The following SLC39A12 variants were observed in gnomAD, a reference collection of about 807,000 sequenced individuals.
SLC39A12 encodes the protein zinc transporter ZIP12.
In SLC39A12, 63 loss-of-function variants were observed where a neutral mutation model predicts 71.1. That is an observed-to-expected ratio of 0.89 (90% confidence interval 0.72 to 1.09). The LOEUF is 1.09. SLC39A12 is among the 50% of genes least tolerant of loss of function. The probability of loss-of-function intolerance (pLI) is 0.00; values close to 1 mark genes in which losing one functional copy is unlikely to be tolerated. For missense variants in SLC39A12, 892 were observed against 812.6 expected (o/e 1.10, Z -1.19); for synonymous variants, 351 against 301.3 (o/e 1.16, Z -1.71).
chr10:17,981,928 G>A (rs1444034714), intron 6 of SLC39A12, among the ~76,000 whole-genome samples: 1 of 152,204 alleles, frequency 6.6e-6, no homozygotes, highest in Non-Finnish European at 1.5e-5. Flanking sequence ...ATTGGAATGT[G>A]GAATGCAGAG....
chr10:17,974,564 T>C (rs552956796), intron 4 of SLC39A12, among the ~76,000 whole-genome samples: 1 of 152,308 alleles, frequency 6.6e-6, no homozygotes, highest in East Asian at 1.9e-4. Context: ...TCCTGGAGAA[T>C]TCTTTGGATT....
At chr10:18,012,674 C>T (rs1836260212) in intron 12 of SLC39A12, among the ~76,000 whole-genome samples, 1 of 152,142 alleles carries the variant, frequency 6.6e-6, no homozygotes, top group African/African-American at 2.4e-5. Context: ...CAAGACCGTC[C>T]TGGCCAACAC....
chr10:18,036,170 T>C (rs566028631), intron 12 of SLC39A12, among the ~76,000 whole-genome samples: 2,378 of 152,314 alleles, frequency 0.016, 28 homozygotes, highest in Middle Eastern at 0.031. Context: ...CTGTGGTGGG[T>C]TCCACCCAGT....
intron 12 of SLC39A12, among the ~76,000 whole-genome samples, chr10:18,026,599 ATTG>A (rs1429654219): frequency 4.6e-5 from 7 of 152,172 alleles, no homozygotes; most frequent in African/African-American, 1.7e-4. Context: ...AATTCTCAGT[ATTG>A]TTTCAAATAT....
chr10:17,991,113 C>G (rs762983845), intron 7 of SLC39A12, 38 bp from the exon 8 acceptor site: 1 of 1,495,800 alleles, frequency 6.7e-7, no homozygotes, highest in African/African-American at 1.5e-5. Flanking sequence ...TTATCTCCAT[C>G]TTTCTCTCTG....
intron 12 of SLC39A12, among the ~76,000 whole-genome samples, chr10:18,036,765 TA>T (rs1564665850): frequency 0.14 from 2,127 of 15,408 alleles, 160 homozygotes; most frequent in African/African-American, 0.22. Context: ...TATATATATA[TA>T]TATATATATA....
At position 17,960,168 on chromosome 10, in the gene SLC39A12, ATT is replaced by A. The variant is rs370944034; in HGVS notation, c.262-1406_262-1405del. On this transcript the variant is annotated intron_variant, in intron 2 of 12. Coordinates refer to ENST00000377369, the MANE Select transcript of SLC39A12 (RefSeq NM_001145195.2). ...AGGAAATATGTATGGGAAACCAAAA[ATT>A]TTTTTTAACATTATACCAATGGAGG... is the stretch of plus-strand genomic sequence containing the variant. Among the ~76,000 whole-genome samples, 419 of 152,170 alleles carry A rather than the reference ATT, an allele frequency of 2.8e-3. 1 individual carries two copies. The highest frequency in any genetic ancestry group is 9.6e-3 in the African/African-American group (398 of 41,520).
chr10:17,987,594 T>A lies in SLC39A12; in HGVS notation c.1212T>A (p.Phe404Leu), dbSNP rs1382076739. The A allele has an allele frequency of 1.2e-6, 2 of 1,614,082 alleles. No homozygotes were observed. Among genetic ancestry groups the A allele is most frequent in the African/African-American group, 2.7e-5 (2 of 74,918 alleles). Residue 404 changes from phenylalanine to leucine, a missense_variant, in exon 7 of 13, where the codon TTT becomes TTA. Coordinates refer to ENST00000377369, the MANE Select transcript of SLC39A12 (RefSeq NM_001145195.2). The stretch of plus-strand genomic sequence containing the variant: ...ACTACAGGCTTATCTTACAGCTGTT[T>A]GTGGGCTTGGCCGTCGGGACACTGT... Reference protein sequence around the residue: ...EENYRLILQLFVGLAVGTLSG... With the variant: ...EENYRLILQLLVGLAVGTLSG...
chr10:17,961,465 C>A, intron 2 of SLC39A12, 116 bp from the exon 3 acceptor site: 2 of 1,029,610 alleles, frequency 1.9e-6, no homozygotes, highest in Non-Finnish European at 2.8e-6. Context: ...GTCCTGCCTG[C>A]TTTTCCTTTC....
chr10:17,983,195 A>AAAAAAAAC, intron 6 of SLC39A12, among the ~76,000 whole-genome samples: 1 of 129,046 alleles, frequency 7.7e-6, no homozygotes, highest in African/African-American at 2.7e-5. Flanking sequence ...AAAAAAAAAA[A>AAAAAAAAC]AAGACTCTAG....
intron 6 of SLC39A12, 87 bp downstream of exon 6, chr10:17,981,570 G>T (rs1056039985): frequency 9.2e-7 from 1 of 1,087,048 alleles, no homozygotes; most frequent in Non-Finnish European, 1.3e-6. Flanking sequence ...TATATACCAG[G>T]CTCTGTTGTA....
At chr10:18,007,453 A>C (rs1836060306) in intron 12 of SLC39A12, among the ~76,000 whole-genome samples, 1 of 152,160 alleles carries the variant, frequency 6.6e-6, no homozygotes. Context: ...TGTTATAGGA[A>C]AGGAGTCCTA....
chr10:17,966,598 A>G (rs1834830543), intron 4 of SLC39A12, among the ~76,000 whole-genome samples: 1 of 151,924 alleles, frequency 6.6e-6, no homozygotes. Flanking sequence ...GGAGTGTGCT[A>G]CTGTGCCCAG....
At chr10:17,954,989 C>T (rs1298161778) in intron 2 of SLC39A12, among the ~76,000 whole-genome samples, 1 of 152,136 alleles carries the variant, frequency 6.6e-6, no homozygotes, top group East Asian at 1.9e-4. Context: ...TAATAGGCAA[C>T]TCATCTGTGA....
intron 9 of SLC39A12, among the ~76,000 whole-genome samples, chr10:17,995,429 T>A (rs555176706): frequency 6.6e-6 from 1 of 152,354 alleles, no homozygotes; most frequent in South Asian, 2.1e-4. Flanking sequence ...GATTCTGATC[T>A]ACCTGAGAGT....
At chr10:17,992,727 G>T (rs2130828244) in intron 8 of SLC39A12, among the ~76,000 whole-genome samples, 1 of 152,266 alleles carries the variant, frequency 6.6e-6, no homozygotes, top group Middle Eastern at 3.4e-3. Flanking sequence ...TTGTTTATGG[G>T]CTTGTCAGGG....
chr10:18,027,303 TC>T (rs1836704874), intron 12 of SLC39A12, among the ~76,000 whole-genome samples: 1 of 152,242 alleles, frequency 6.6e-6, no homozygotes, highest in Non-Finnish European at 1.5e-5. Flanking sequence ...TTGGGTATTT[TC>T]CTTCCCCAGG....
chr10:17,992,088 C>CAAAAAAAAAAAAAAAAAAAA (rs59014549), intron 8 of SLC39A12, among the ~76,000 whole-genome samples: 2 of 87,224 alleles, frequency 2.3e-5, no homozygotes, highest in African/African-American at 9.3e-5. Flanking sequence ...GACTCCATCT[C>CAAAAAAAAAAAAAAAAAAAA]AAAAAAAAAA....
Position 17,967,886 on chromosome 10 carries a change from CAA to C in SLC39A12, c.751+2208_751+2209del, listed in dbSNP as rs1175508363. 7.6e-3 allele frequency among the ~76,000 whole-genome samples: 996 copies of C among 131,430 alleles called. 9 individuals are homozygous for C. Among genetic ancestry groups the C allele is most frequent in the African/African-American group, 0.022 (759 of 34,758 alleles). The allele number at this position is 131,430 out of a possible 152,430, so 86.2% of individuals were successfully genotyped here. A position where few individuals can be genotyped will look rare whatever the true frequency, so the allele number is the denominator to read the frequency against. On this transcript the variant is annotated intron_variant, in intron 4 of 12. Transcript: ENST00000377369. The stretch of plus-strand genomic sequence containing the variant: ...TGGGCGACAGAGCGAGACTCCGCCT[CAA>C]AAAAAAAAAAATATATATATATATA...
Sources: allele counts gnomAD v4.1 joint callset (sites outside exome capture counted in the v4.1 genomes callset), GRCh38; gene constraint gnomAD v4.1.1; transcripts MANE v1.5; gene names NCBI Gene and HGNC (gene_info 2026-07-23, HGNC 2026-07-21).